MYO18B: variants seen among roughly 807,000 people sequenced by gnomAD.
MYO18B encodes unconventional myosin-XVIIIb.
A neutral mutation model predicts 273.0 loss-of-function variants in MYO18B; 204 were observed. The ratio of observed to expected loss-of-function variants is 0.75; its 90% CI spans 0.67 to 0.84. The LOEUF (loss-of-function observed/expected upper bound fraction) is 0.84, where lower values mean the gene tolerates loss of function less well. MYO18B is among the 40% of genes least tolerant of loss of function. The pLI, the probability that MYO18B is intolerant of heterozygous loss-of-function variation, is 0.00. For synonymous variants in MYO18B, 1,330 were observed against 1,305.7 expected (o/e 1.02, Z -0.40); for missense variants, 3,212 against 3,287.6 (o/e 0.98, Z 0.56).
intron 2 of MYO18B, among the ~76,000 whole-genome samples, chr22:25,762,481 C>T (rs8138918): frequency 0.027 from 4,119 of 152,384 alleles, 103 homozygotes; most frequent in South Asian, 0.091. Context: ...CGGCCACAGC[C>T]GGTCTCATGC....
intron 39 of MYO18B, among the ~76,000 whole-genome samples, chr22:25,978,017 G>A (rs762123478): frequency 6.6e-6 from 1 of 152,190 alleles, no homozygotes; most frequent in Non-Finnish European, 1.5e-5. Context: ...TTTAGGGCAG[G>A]AAGAGTTTAA....
chr22:25,985,637 A>AT (rs980198046), intron 39 of MYO18B, among the ~76,000 whole-genome samples: 183 of 146,712 alleles, frequency 1.2e-3, no homozygotes, highest in African/African-American at 3.7e-3. Context: ...TTTTATTTTT[A>AT]TTTTTTTTTT....
intron 9 of MYO18B, 43 bp downstream of exon 9, chr22:25,780,241 C>T: frequency 1.3e-6 from 2 of 1,571,222 alleles, no homozygotes; most frequent in Non-Finnish European, 1.7e-6. Flanking sequence ...CTTGGGGCTG[C>T]TGTGTCTCTA....
At chr22:25,767,941 C>G (rs747057255) in intron 3 of MYO18B, among the ~76,000 whole-genome samples, 174 bp from the exon 4 acceptor site, 14 of 152,202 alleles carry the variant, frequency 9.2e-5, no homozygotes. Context: ...AGGGGCTAGG[C>G]CAAGGTCAAG....
At chr22:25,802,403 A>C (rs537881754) in intron 12 of MYO18B, among the ~76,000 whole-genome samples, 1 of 152,222 alleles carries the variant, frequency 6.6e-6, no homozygotes, top group African/African-American at 2.4e-5. Flanking sequence ...ATGATTGATC[A>C]AATTATTGGC....
At chr22:25,988,946 T>C (rs1282422506) in intron 39 of MYO18B, among the ~76,000 whole-genome samples, 1 of 152,194 alleles carries the variant, frequency 6.6e-6, no homozygotes, top group Non-Finnish European at 1.5e-5. Context: ...ACTTTCACTT[T>C]TATGATATTG....
At chr22:25,879,126 TA>T in intron 25 of MYO18B, among the ~76,000 whole-genome samples, 1 of 152,318 alleles carries the variant, frequency 6.6e-6, no homozygotes, top group Admixed American at 6.5e-5. Context: ...TTTTTGTAAA[TA>T]AAGTTTTATT....
intron 42 of MYO18B, among the ~76,000 whole-genome samples, chr22:26,017,967 GTTTTTTTTTTT>G (rs869143722): frequency 1.8e-3 from 18 of 9,782 alleles, no homozygotes; most frequent in Non-Finnish European, 2.8e-3. Context: ...TTACTGTTTT[GTTTTTTTTTTT>G]TTTTTTTTTT....
downstream of MYO18B, among the ~76,000 whole-genome samples, chr22:26,032,556 T>C (rs1321007332): frequency 6.8e-6 from 1 of 148,084 alleles, no homozygotes; most frequent in Non-Finnish European, 1.5e-5. Context: ...AGTTTCACTC[T>C]TGTGGCCCAG....
chr22:25,898,554 C>T (rs2091862660), intron 29 of MYO18B, 93 bp downstream of exon 29: 2 of 1,336,882 alleles, frequency 1.5e-6, no homozygotes, highest in Non-Finnish European at 2.1e-6. Flanking sequence ...CTAACTCCCT[C>T]ACTTCAACTC....
At chr22:25,764,764 G>T (rs775798210) in intron 3 of MYO18B, among the ~76,000 whole-genome samples, 2 of 152,228 alleles carry the variant, frequency 1.3e-5, no homozygotes, top group African/African-American at 2.4e-5. Flanking sequence ...ATGATGAAAT[G>T]TTACTGTGTG....
At chr22:25,884,414 T>G (rs1180178842) in intron 25 of MYO18B, among the ~76,000 whole-genome samples, 1 of 152,152 alleles carries the variant, frequency 6.6e-6, no homozygotes, top group Non-Finnish European at 1.5e-5. Flanking sequence ...CGGGGGAAAT[T>G]AGACAGCCTG....
chr22:25,772,357 G>C lies in MYO18B; in HGVS notation c.1716G>C (p.Gln572His). Residue 572 changes from glutamine to histidine, a missense_variant, in exon 7 of 44, where the codon CAG becomes CAC. By Grantham distance (24) the Gln-to-His change is conservative. Transcript: ENST00000335473. ...VHRANPPELD[Q>H]VEDLASLISV... ...AGGCCAACCCTCCTGAGCTGGACCAGGTCGAGGACCTGGCCTCTCTCATCA... is the reference window on the plus strand; with the variant it reads ...AGGCCAACCCTCCTGAGCTGGACCACGTCGAGGACCTGGCCTCTCTCATCA... 5 of 1,613,958 alleles carry C rather than the reference G, an allele frequency of 3.1e-6. No homozygotes were observed. Among genetic ancestry groups the C allele is most frequent in the Non-Finnish European group, 4.2e-6 (5 of 1,179,862 alleles).
intron 34 of MYO18B, among the ~76,000 whole-genome samples, chr22:25,931,222 G>A (rs750810544): frequency 4.6e-5 from 7 of 152,182 alleles, no homozygotes; most frequent in African/African-American, 1.2e-4. Flanking sequence ...ATTGTAATTG[G>A]TTAAAAACAT....
intron 30 of MYO18B, chr22:25,903,092 C>T (rs2068463738): frequency 4.3e-6 from 1 of 232,076 alleles, no homozygotes; most frequent in Non-Finnish European, 8.5e-6. Flanking sequence ...TACTAAAATA[C>T]AACACGGGTG....
At chr22:25,766,536 G>A (rs936007510) in intron 3 of MYO18B, among the ~76,000 whole-genome samples, 22 of 152,160 alleles carry the variant, frequency 1.4e-4, no homozygotes, top group Non-Finnish European at 1.6e-4. Flanking sequence ...AACAATTTCT[G>A]ATTGAGGTCT....
intron 39 of MYO18B, among the ~76,000 whole-genome samples, chr22:25,963,155 T>C (rs2092936220): frequency 8.0e-6 from 1 of 125,362 alleles, no homozygotes; most frequent in Non-Finnish European, 1.6e-5. Flanking sequence ...CTCTCTCCTC[T>C]TTCTCCTCTC....
the MYO18B span, among the ~76,000 whole-genome samples, chr22:26,056,429 C>G: frequency 6.6e-6 from 1 of 152,126 alleles, no homozygotes; most frequent in Non-Finnish European, 1.5e-5. Context: ...TAACTAGAAC[C>G]CAGGTATCCT....
intron 42 of MYO18B, among the ~76,000 whole-genome samples, chr22:26,018,930 T>C (rs1414122843): frequency 6.6e-6 from 1 of 152,172 alleles, no homozygotes; most frequent in Non-Finnish European, 1.5e-5. Context: ...CACTCCAGCC[T>C]GGGTGACAAG....
Sources: gnomAD v4.1 joint callset for allele counts (sites outside exome capture counted in the v4.1 genomes callset) on GRCh38, gnomAD v4.1.1 for gene constraint, MANE v1.5 for transcripts, NCBI Gene and HGNC (gene_info 2026-07-23, HGNC 2026-07-21) for gene names.